CAPN10: variants seen among roughly 807,000 people sequenced by gnomAD.
CAPN10 encodes the protein calpain 10.
CAPN10 carries 71 observed loss-of-function variants against 78.4 expected under a neutral mutation model. That is an observed-to-expected ratio of 0.91 (90% CI 0.75 to 1.10). The LOEUF (loss-of-function observed/expected upper bound fraction) is 1.10, where lower values mean the gene tolerates loss of function less well. Among genes scored for constraint, CAPN10 ranks in the 50% least tolerant of loss-of-function variants. CAPN10 has a pLI of 0.00. For synonymous variants in CAPN10, 437 were observed against 407.2 expected, an observed-to-expected ratio of 1.07 and a Z score of -0.88; for missense variants, 849 against 924.6, an observed-to-expected ratio of 0.92 and a Z score of 1.06.
Position 240,596,487 on chromosome 2 carries a change from C to A in CAPN10, c.1447C>A (p.Leu483Ile), listed in dbSNP as rs904726596. 7 of 1,611,444 alleles carry A rather than the reference C, an allele frequency of 4.3e-6. No homozygotes were observed. The African/African-American group carries it at 9.3e-5, about 22-fold the overall frequency. Residue 483 changes from leucine (L) to isoleucine (I), a missense_variant, in exon 8 of 12, where the codon CTC (leucine) becomes ATC (isoleucine). Leu to Ile is a conservative substitution (Grantham distance 5). Coordinates refer to ENST00000391984, the MANE Select transcript of CAPN10 (RefSeq NM_023083.4). ...FLKDAPGEFLLRVFSTGRVSL... is the reference protein window; with the variant it reads ...FLKDAPGEFLIRVFSTGRVSL... ...GAAGGACGCGCCAGGGGAGTTCCTG[C>A]TCCGAGTCTTCTCTACCGGGCGAGT...
intron 4 of CAPN10, among the ~76,000 whole-genome samples, chr2:240,593,444 G>GC (rs1241647155): frequency 6.6e-6 from 1 of 152,232 alleles, no homozygotes; most frequent in Non-Finnish European, 1.5e-5. Flanking sequence ...TGGAGCTGTT[G>GC]CCCCCCTGGG....
intron 7 of CAPN10, 44 bp from the exon 8 acceptor site, chr2:240,596,275 C>G: frequency 1.3e-6 from 2 of 1,558,824 alleles, no homozygotes; most frequent in Non-Finnish European, 1.7e-6. Context: ...GGGCGTCTGA[C>G]CCCGGCCGCT....
intron 9 of CAPN10, 108 bp downstream of exon 9, chr2:240,597,050 C>T (rs1418837895): frequency 7.2e-7 from 1 of 1,387,076 alleles, no homozygotes; most frequent in East Asian, 2.4e-5. Context: ...GTCACTTGGG[C>T]TCCCCCTGCC....
chr2:240,594,758 G>A (rs748611435), intron 6 of CAPN10, 49 bp downstream of exon 6: 2 of 1,575,088 alleles, frequency 1.3e-6, no homozygotes, highest in East Asian at 2.2e-5. Context: ...CTGCCGAAGT[G>A]AGGAGGCTGG....
At chr2:240,597,796 CAA>C (rs762589120) in intron 9 of CAPN10, 90 bp from the exon 10 acceptor site, 6 of 1,154,688 alleles carry the variant, frequency 5.2e-6, no homozygotes, top group Admixed American at 2.4e-5. Context: ...GTATGTGACT[CAA>C]GAGGGCCAAG....
intron 1 of CAPN10, among the ~76,000 whole-genome samples, chr2:240,588,281 C>G (rs1468464704): frequency 6.6e-6 from 1 of 151,742 alleles, no homozygotes; most frequent in Non-Finnish European, 1.5e-5. Flanking sequence ...TAGAGGCATT[C>G]TTCTGGGAGG....
intron 5 of CAPN10, 187 bp from the exon 6 acceptor site, chr2:240,594,356 C>T (rs140669780): frequency 8.8e-4 from 597 of 676,672 alleles, no homozygotes; most frequent in Non-Finnish European, 1.3e-3. Flanking sequence ...CCAGGGTGGC[C>T]GCTGCCCAGA....
chr2:240,596,031 C>A (rs993314607), intron 7 of CAPN10: 1 of 1,495,284 alleles, frequency 6.7e-7, no homozygotes, highest in East Asian at 2.8e-5. Flanking sequence ...GGAAGGCCCA[C>A]TGTCCAGCAG....
intron 1 of CAPN10, among the ~76,000 whole-genome samples, chr2:240,589,094 G>C (rs899126154): frequency 4.6e-5 from 7 of 152,170 alleles, no homozygotes; most frequent in African/African-American, 1.7e-4. Context: ...TTTTGAGAAG[G>C]AGCTTGCTAG....
At chr2:240,598,527 C>T (rs2093151829) in intron 11 of CAPN10, 124 bp from the exon 12 acceptor site, 1 of 1,442,192 alleles carries the variant, frequency 6.9e-7, no homozygotes, top group African/African-American at 1.4e-5. Flanking sequence ...CTGTGAGAGC[C>T]CCGGGCGGTG....
intron 11 of CAPN10, 104 bp from the exon 12 acceptor site, chr2:240,598,547 G>T (rs567940935): frequency 6.2e-5 from 90 of 1,461,802 alleles, no homozygotes; most frequent in Non-Finnish European, 3.1e-5. Flanking sequence ...GCCTTGAAGG[G>T]CAGGGGGAGC....
chr2:240,598,431 G>C (rs1201252656), intron 11 of CAPN10, 34 bp downstream of exon 11: 15 of 1,611,104 alleles, frequency 9.3e-6, no homozygotes, highest in Non-Finnish European at 1.3e-5. Flanking sequence ...CGGCTCACCT[G>C]CCTGGGGCTG....
Position 240,596,235 on chromosome 2 carries a change from C to T in CAPN10, c.1279-84C>T, listed in dbSNP as rs929138796. On this transcript the variant is annotated intron_variant, in intron 7 of 11. Transcript: ENST00000391984. ...CTTTCATCTGTCAACTCCAGAGGCC[C>T]TTGTGCTTGCAGCAGGGAGGTCAAG... 3.3e-6 allele frequency: 5 copies of T among 1,499,450 alleles called. No individual in the cohort carries two copies. The African/African-American group carries it at 7.0e-5, about 21-fold the overall frequency. The allele number at this position is 1,499,450 out of a possible 1,614,324, so 92.9% of individuals were successfully genotyped here. A position where few individuals can be genotyped will look rare whatever the true frequency, so the allele number is the denominator to read the frequency against.
In CAPN10 at chr2:240,596,944, C is replaced by G; in HGVS notation, c.1743+2C>G. 6.2e-7 allele frequency: 1 copy of G among 1,613,480 alleles called. No homozygotes were observed. Among genetic ancestry groups the G allele is most frequent in the Non-Finnish European group, 8.5e-7 (1 of 1,180,032 alleles). On this transcript the variant is annotated splice_donor_variant, in intron 9 of 11. Transcript: ENST00000391984. LOFTEE classifies it high-confidence loss of function. ...CCCATCGGCTTCCATATCTTCCAGG[C>G]AAGCTCCTTGCCCCAGGGAGGGAGG...
intron 1 of CAPN10, among the ~76,000 whole-genome samples, chr2:240,588,627 C>G (rs983763879): frequency 3.3e-5 from 5 of 152,074 alleles, no homozygotes; most frequent in African/African-American, 1.2e-4. Flanking sequence ...CGACATTGAT[C>G]GAGGCAGTTT....
chr2:240,598,991 A>C lies in CAPN10; in HGVS notation c.*311A>C. On this transcript the variant is annotated 3_prime_UTR_variant, in exon 12 of 12. Transcript: ENST00000391984. ...CTCCCAGATCCTCTGCTGACTCCAT[A>C]TGGAGGCCTCACACCCAGAGGGTAG... The C allele has an allele frequency of 6.1e-6, 3 of 493,448 alleles. No individual in the cohort carries two copies. Among genetic ancestry groups the C allele is most frequent in the Non-Finnish European group, 1.1e-5 (3 of 274,558 alleles). 30.6% of individuals were successfully genotyped at this position (493,448 alleles called of 1,614,324 possible).
chr2:240,588,316 T>C (rs771928403), intron 1 of CAPN10, among the ~76,000 whole-genome samples: 4 of 151,218 alleles, frequency 2.6e-5, no homozygotes, highest in Non-Finnish European at 4.4e-5. Flanking sequence ...TGGTTTACAG[T>C]CCACAGCCTG....
Position 240,596,895 on chromosome 2 carries a change from C to T in CAPN10, c.1696C>T (p.Arg566Trp), listed in dbSNP as rs757430028. The T allele has an allele frequency of 1.5e-5, 24 of 1,613,474 alleles. No individual in the cohort carries two copies. The highest frequency in any genetic ancestry group is 6.7e-5 in the African/African-American group (5 of 74,928). ...CVRITLHQHCRPSDTEFHPIG... is the reference protein window; with the variant it reads ...CVRITLHQHCWPSDTEFHPIG... ...CCGCATCACTCTGCATCAGCACTGC[C>T]GGCCCAGTGACACCGAGTTCCACCC... The change falls in exon 9 of 12, where the codon CGG becomes TGG. Residue 566 changes from arginine (R) to tryptophan (W), a missense_variant. Transcript: ENST00000391984.
At position 240,597,974 on chromosome 2, in the gene CAPN10, G is replaced by A; in HGVS notation, c.1830G>A (p.Gln610=). 1 of 1,613,122 alleles carries A rather than the reference G, an allele frequency of 6.2e-7. No individual in the cohort carries two copies. The highest frequency in any genetic ancestry group is 1.3e-5 in the African/African-American group (1 of 75,054). Residue 610 remains glutamine, a synonymous_variant, in exon 10 of 12, where the codon CAG becomes CAA. Coordinates refer to ENST00000391984, the MANE Select transcript of CAPN10 (RefSeq NM_023083.4). ...GCTGCGTGCCACATCGCTACGCCCA[G>A]GAGGTGAGCCGGCTCTGCCTCCTGC... ...LLSCVPHRYA[Q]EVSRLCLLPA...
Sources: allele counts gnomAD v4.1 joint callset (sites outside exome capture counted in the v4.1 genomes callset), GRCh38; gene constraint gnomAD v4.1.1; transcripts MANE v1.5; gene names NCBI Gene and HGNC (gene_info 2026-07-23, HGNC 2026-07-21).